Variants in SHROOM3 observed in about 807,000 individuals in gnomAD.
The protein encoded by SHROOM3 is shroom family member 3.
In SHROOM3, 47 loss-of-function variants were observed where a neutral mutation model predicts 138.6. The observed-to-expected ratio is 0.34, with a 90% CI of 0.27 to 0.43. SHROOM3 has a LOEUF of 0.43. Among genes scored for constraint, SHROOM3 ranks in the 20% least tolerant of loss-of-function variants. SHROOM3 has a pLI of 1.00. For synonymous variants in SHROOM3, 1,062 were observed against 1,063.3 expected, an observed-to-expected ratio of 1.00 and a Z score of 0.02; for missense variants, 2,491 against 2,596.5, an observed-to-expected ratio of 0.96 and a Z score of 0.88.
At chr4:76,671,835 A>T (rs914833075) in intron 2 of SHROOM3, among the ~76,000 whole-genome samples, 4 of 152,178 alleles carry the variant, frequency 2.6e-5, no homozygotes, top group African/African-American at 7.2e-5. Flanking sequence ...TCAGATTTTT[A>T]AAAATTTTTT....
chr4:76,620,572 A>G (rs1317634550), intron 2 of SHROOM3, among the ~76,000 whole-genome samples: 1 of 152,216 alleles, frequency 6.6e-6, no homozygotes, highest in Non-Finnish European at 1.5e-5. Context: ...TGGCAATGCC[A>G]ACAGCAAGGG....
intron 5 of SHROOM3, among the ~76,000 whole-genome samples, chr4:76,742,414 A>G (rs1258505969): frequency 2.0e-5 from 3 of 152,254 alleles, no homozygotes; most frequent in African/African-American, 7.2e-5. Flanking sequence ...AGTGTGTGGC[A>G]GGTCCTGAGC....
chr4:76,508,860 T>C (rs571895115), intron 1 of SHROOM3, among the ~76,000 whole-genome samples: 1 of 152,312 alleles, frequency 6.6e-6, no homozygotes, highest in East Asian at 1.9e-4. Context: ...AAGTCCAGGA[T>C]CAGAGCACCA....
rs571521653 is a variant in SHROOM3, at chr4:76,620,337, CAA to C, written c.323+64576_323+64577del. On this transcript the variant is annotated intron_variant, in intron 2 of 10. Transcript: ENST00000296043. Reference sequence around the variant, plus strand: ...GTAGAATAAAGCCAAGGAGAGCATCCAAAGACATATTAGAGATACGGGAATTA... The same window carrying C: ...GTAGAATAAAGCCAAGGAGAGCATCCAGACATATTAGAGATACGGGAATTA... 4.8e-4 allele frequency among the ~76,000 whole-genome samples: 73 copies of C among 151,962 alleles called. 1 individual carries two copies. Among genetic ancestry groups the C allele is most frequent in the African/African-American group, 1.7e-3 (72 of 41,438 alleles).
Position 76,754,848 on chromosome 4 carries a change from G to A in SHROOM3, c.4365G>A (p.Lys1455=). Residue 1455 remains lysine, a synonymous_variant, in exon 7 of 11, where the codon AAG becomes AAA. Coordinates refer to ENST00000296043, the MANE Select transcript of SHROOM3 (RefSeq NM_020859.4). ...ESSAPDFANL[K]HYQKQQSLPS... ...CAGCCCCTGATTTTGCAAACCTGAA[G>A]CACTATCAAAAACAGCAGAGTCTTC... 8 of 1,614,118 alleles carry A rather than the reference G, an allele frequency of 5.0e-6. No homozygotes were observed. The highest frequency in any genetic ancestry group is 6.8e-6 in the Non-Finnish European group (8 of 1,180,006).
At chr4:76,746,742 CA>C (rs1472522725) in intron 5 of SHROOM3, among the ~76,000 whole-genome samples, 2 of 151,044 alleles carry the variant, frequency 1.3e-5, no homozygotes, top group African/African-American at 4.9e-5. Flanking sequence ...ACTTGGAACC[CA>C]AAACAGGAGG....
chr4:76,570,840 G>A (rs1239103833), intron 2 of SHROOM3, among the ~76,000 whole-genome samples: 2 of 152,138 alleles, frequency 1.3e-5, no homozygotes, highest in African/African-American at 4.8e-5. Flanking sequence ...TACGTGGGTG[G>A]TATTAGAATT....
In SHROOM3 at chr4:76,744,394, G is replaced by A. The variant is rs140328534; in HGVS notation, c.3753+2468G>A. ...GTCTCTTATATTGTCACTGTGCCAG[G>A]ACTGCATTCTTGAGCTTCCTCCCTC... On this transcript the variant is annotated intron_variant, in intron 5 of 10. Transcript: ENST00000296043. 3.9e-3 allele frequency among the ~76,000 whole-genome samples: 595 copies of A among 152,254 alleles called. 1 individual carries two copies. The highest frequency in any genetic ancestry group is 0.014 in the Middle Eastern group (4 of 294).
chr4:76,467,577 C>G (rs894123021), intron 1 of SHROOM3, among the ~76,000 whole-genome samples: 1 of 152,148 alleles, frequency 6.6e-6, no homozygotes, highest in African/African-American at 2.4e-5. Flanking sequence ...CTAGAGCAAG[C>G]AAAGACCCAG....
At position 76,739,194 on chromosome 4, in the gene SHROOM3, G is replaced by C; in HGVS notation, c.1021G>C (p.Gly341Arg). ...TAGGGAGGCCCGAGCCTCAGCAAATGGTCAGGGCTATGATAAATGGTCTAA... is the reference window on the plus strand; with the variant it reads ...TAGGGAGGCCCGAGCCTCAGCAAATCGTCAGGGCTATGATAAATGGTCTAA... ...QGREARASAN[G>R]QGYDKWSNIP... Residue 341 changes from glycine (G) to arginine (R), a missense_variant, in exon 5 of 11, where the codon GGT becomes CGT. Transcript: ENST00000296043. The C allele has an allele frequency of 6.2e-7, 1 of 1,614,172 alleles. No homozygotes were observed. Among genetic ancestry groups the C allele is most frequent in the Non-Finnish European group, 8.5e-7 (1 of 1,180,042 alleles).
intron 2 of SHROOM3, chr4:76,644,370 C>T (rs1735762587): frequency 6.6e-6 from 1 of 151,700 alleles, no homozygotes; most frequent in Admixed American, 6.6e-5. Flanking sequence ...CTGCCTCAGC[C>T]TCCCGAGTAG....
At chr4:76,457,181 C>G (rs935540146) in intron 1 of SHROOM3, among the ~76,000 whole-genome samples, 7 of 152,156 alleles carry the variant, frequency 4.6e-5, no homozygotes, top group African/African-American at 1.7e-4. Flanking sequence ...AAATTGTATT[C>G]TCCACTGTTG....
At chr4:76,743,180 T>G (rs1721318749) in intron 5 of SHROOM3, among the ~76,000 whole-genome samples, 1 of 151,886 alleles carries the variant, frequency 6.6e-6, no homozygotes, top group Admixed American at 6.6e-5. Flanking sequence ...TGACAAGAGA[T>G]TAGGGGAGAG....
At chr4:76,542,931 C>T (rs1159144472) in intron 1 of SHROOM3, among the ~76,000 whole-genome samples, 6 of 152,178 alleles carry the variant, frequency 3.9e-5, no homozygotes, top group Non-Finnish European at 8.8e-5. Context: ...TGCTGAACAG[C>T]TCCACCAGAC....
At chr4:76,613,136 A>T (rs914409545) in intron 2 of SHROOM3, among the ~76,000 whole-genome samples, 1 of 152,140 alleles carries the variant, frequency 6.6e-6, no homozygotes, top group Non-Finnish European at 1.5e-5. Context: ...GCATTGTAGG[A>T]TAGGCAGGTG....
At chr4:76,463,584 A>C (rs1195956316) in intron 1 of SHROOM3, among the ~76,000 whole-genome samples, 1 of 152,200 alleles carries the variant, frequency 6.6e-6, no homozygotes, top group African/African-American at 2.4e-5. Context: ...AATGGGGAAA[A>C]TGTCTCCAAG....
At chr4:76,749,839 G>C (rs1406006089) in intron 6 of SHROOM3, among the ~76,000 whole-genome samples, 2 of 151,874 alleles carry the variant, frequency 1.3e-5, no homozygotes, top group African/African-American at 4.8e-5. Context: ...TTTCAGAAAG[G>C]GTATTCTCTG....
chr4:76,707,529 G>A (rs1173008051), intron 2 of SHROOM3, among the ~76,000 whole-genome samples: 2 of 152,088 alleles, frequency 1.3e-5, no homozygotes, highest in Non-Finnish European at 2.9e-5. Context: ...ACCATTCCCC[G>A]ATAAGATCAA....
At chr4:76,764,363 C>T (rs1488853143) in intron 9 of SHROOM3, among the ~76,000 whole-genome samples, 2 of 152,208 alleles carry the variant, frequency 1.3e-5, no homozygotes, top group Admixed American at 6.5e-5. Context: ...GCTTTGGCTT[C>T]AGAAACTTAG....
Sources: gnomAD v4.1 joint callset for allele counts (sites outside exome capture counted in the v4.1 genomes callset) on GRCh38, gnomAD v4.1.1 for gene constraint, MANE v1.5 for transcripts, NCBI Gene and HGNC (gene_info 2026-07-23, HGNC 2026-07-21) for gene names.